EBF1: variants seen among roughly 807,000 people sequenced by gnomAD.
EBF1 encodes EBF transcription factor 1, also known as transcription factor COE1.
EBF1 carries 10 observed loss-of-function variants against 68.4 expected under a neutral mutation model. The observed-to-expected ratio is 0.15, with a 90% CI of 0.09 to 0.25. EBF1 has a LOEUF of 0.25. EBF1 is among the 10% of genes least tolerant of loss of function. The pLI is 1.00. For synonymous variants in EBF1, 298 were observed against 299.8 expected (o/e 0.99, Z 0.06); for missense variants, 509 against 794.4 (o/e 0.64, Z 4.32).
At position 158,989,388 on chromosome 5, in the gene EBF1, G is replaced by A. The variant is rs117350277; in HGVS notation, c.554+84008C>T. Reference sequence around the variant, plus strand: ...TGAGCCAAATGATGGACAATTTCTTGTCAGACTGGAGAGCAAACACAAACC... The same window carrying A: ...TGAGCCAAATGATGGACAATTTCTTATCAGACTGGAGAGCAAACACAAACC... On this transcript the variant is annotated intron_variant, in intron 6 of 15. Transcript: ENST00000313708. Among the ~76,000 whole-genome samples the A allele has an allele frequency of 4.2e-3, 640 of 152,312 alleles. 32 individuals carry two copies. In the East Asian group the frequency reaches 0.11, roughly 27 times the overall value.
At chr5:158,726,353 C>T (rs780474559) in intron 11 of EBF1, among the ~76,000 whole-genome samples, 38 of 152,176 alleles carry the variant, frequency 2.5e-4, no homozygotes, top group African/African-American at 9.2e-4. Context: ...TAGTTAGACA[C>T]GGTGAGCTAA....
intron 10 of EBF1, among the ~76,000 whole-genome samples, chr5:158,737,052 T>C (rs982116510): frequency 1.3e-5 from 2 of 152,116 alleles, no homozygotes; most frequent in Non-Finnish European, 2.9e-5. Flanking sequence ...TCCTTGCAAG[T>C]GAGCTCCTGC....
chr5:158,905,818 C>A (rs761992944), intron 6 of EBF1, among the ~76,000 whole-genome samples: 1 of 152,120 alleles, frequency 6.6e-6, no homozygotes, highest in Admixed American at 6.5e-5. Flanking sequence ...TGCTTGCCAC[C>A]AGAAAAATTA....
At chr5:158,960,456 G>A (rs537339649) in intron 6 of EBF1, among the ~76,000 whole-genome samples, 1 of 152,024 alleles carries the variant, frequency 6.6e-6, no homozygotes, top group African/African-American at 2.4e-5. Flanking sequence ...TAAGCACAAA[G>A]CAAAAGAAAG....
chr5:158,978,835 C>CACACACACACAGAGAGAG (rs753714441), intron 6 of EBF1, among the ~76,000 whole-genome samples: 4 of 146,932 alleles, frequency 2.7e-5, no homozygotes, highest in African/African-American at 1.0e-4. Flanking sequence ...CACACACACA[C>CACACACACACAGAGAGAG]AGAGAGAGAG....
intron 10 of EBF1, among the ~76,000 whole-genome samples, chr5:158,776,910 C>T (rs760171358): frequency 4.6e-5 from 7 of 152,138 alleles, no homozygotes; most frequent in Admixed American, 1.3e-4. Context: ...AGCTTCTTGC[C>T]GCAAGGCGGA....
At chr5:158,737,783 C>T (rs1232827285) in intron 10 of EBF1, among the ~76,000 whole-genome samples, 1 of 152,064 alleles carries the variant, frequency 6.6e-6, no homozygotes. Context: ...AGAAGGTCAA[C>T]TGAAAAGCAA....
chr5:158,727,022 G>T (rs1763129588), intron 11 of EBF1, among the ~76,000 whole-genome samples: 1 of 152,238 alleles, frequency 6.6e-6, no homozygotes, highest in Non-Finnish European at 1.5e-5. Flanking sequence ...TGACAACAAT[G>T]CCGTGAGGCA....
chr5:159,048,834 C>T (rs775086830), intron 6 of EBF1, among the ~76,000 whole-genome samples: 13 of 152,182 alleles, frequency 8.5e-5, no homozygotes, highest in Non-Finnish European at 1.6e-4. Flanking sequence ...ACACCAAAAA[C>T]AGGGTGAGGG....
intron 11 of EBF1, among the ~76,000 whole-genome samples, chr5:158,716,053 C>T (rs550681905): frequency 6.6e-6 from 1 of 152,294 alleles, no homozygotes; most frequent in Admixed American, 6.5e-5. Flanking sequence ...AGAAACTGCA[C>T]TTGTGAACTT....
At chr5:158,949,493 A>T (rs1815531027) in intron 6 of EBF1, among the ~76,000 whole-genome samples, 1 of 152,208 alleles carries the variant, frequency 6.6e-6, no homozygotes, top group Non-Finnish European at 1.5e-5. Context: ...AACTTTTTAA[A>T]ATTAAAAACT....
At chr5:159,079,642 C>G (rs534780589) in intron 5 of EBF1, among the ~76,000 whole-genome samples, 1 of 138,158 alleles carries the variant, frequency 7.2e-6, no homozygotes. Context: ...TGTGGAGTCT[C>G]GCTCTGTCAC....
At chr5:158,789,025 T>C (rs766916157) in intron 9 of EBF1, among the ~76,000 whole-genome samples, 4 of 152,056 alleles carry the variant, frequency 2.6e-5, no homozygotes, top group Non-Finnish European at 4.4e-5. Flanking sequence ...CATTTAGAAA[T>C]GATTTCTCAT....
intron 9 of EBF1, among the ~76,000 whole-genome samples, chr5:158,794,457 T>C (rs1332309331): frequency 6.6e-6 from 1 of 152,162 alleles, no homozygotes; most frequent in Non-Finnish European, 1.5e-5. Flanking sequence ...GGGACCTTGA[T>C]TAAGCGTAAG....
Position 158,712,975 on chromosome 5 carries a change from T to G in EBF1, c.1364A>C (p.Asn455Thr), listed in dbSNP as rs1010503968. Residue 455 changes from asparagine (N) to threonine (T), a missense_variant, in exon 13 of 16, where the codon AAT becomes ACT. Physicochemically the swap from Asn to Thr is moderately conservative, Grantham distance 65 (BLOSUM62 0). Transcript: ENST00000313708. ...VNVSEASQAT[N>T]QGFTRNSSSV... ...GAGAAAAGCAAGCTTCTGACCCTGA[T>G]TGGTGGCTTGTGATGCCTCGGAGAC... 6 of 1,487,900 alleles carry G rather than the reference T, an allele frequency of 4.0e-6. No homozygotes were observed. Among genetic ancestry groups the G allele is most frequent in the Non-Finnish European group, 5.4e-6 (6 of 1,109,312 alleles). The allele number at this position is 1,487,900 out of a possible 1,614,324, so 92.2% of individuals were successfully genotyped here.
intron 6 of EBF1, among the ~76,000 whole-genome samples, chr5:159,001,243 A>G (rs898220671): frequency 1.3e-5 from 2 of 152,164 alleles, no homozygotes; most frequent in Admixed American, 6.5e-5. Context: ...TGCTATTGTT[A>G]TTTTTAAATG....
At chr5:158,912,225 T>C (rs1386224775) in intron 6 of EBF1, among the ~76,000 whole-genome samples, 1 of 152,202 alleles carries the variant, frequency 6.6e-6, no homozygotes, top group Non-Finnish European at 1.5e-5. Flanking sequence ...TGCACAAACA[T>C]TGCAAATTTC....
At chr5:158,841,333 C>T (rs1029920495) in intron 6 of EBF1, among the ~76,000 whole-genome samples, 12 of 152,182 alleles carry the variant, frequency 7.9e-5, no homozygotes, top group African/African-American at 2.9e-4. Flanking sequence ...TCATGTCTAC[C>T]ACCTGTAATT....
At chr5:159,087,297 TATATATACACACACAC>T (rs1328254194) in intron 4 of EBF1, among the ~76,000 whole-genome samples, 5 of 143,490 alleles carry the variant, frequency 3.5e-5, no homozygotes, top group African/African-American at 1.3e-4. Context: ...TATACACATA[TATATATACACACACAC>T]ATATATATAC....
Sources: gnomAD v4.1 joint callset for allele counts (sites outside exome capture counted in the v4.1 genomes callset) on GRCh38, gnomAD v4.1.1 for gene constraint, MANE v1.5 for transcripts, NCBI Gene and HGNC (gene_info 2026-07-23, HGNC 2026-07-21) for gene names.